Variants in ZNF705G observed in about 807,000 individuals in gnomAD.
ZNF705G encodes the protein zinc finger protein 705G, also known as putative zinc finger protein 705G.
A neutral mutation model predicts 19.6 loss-of-function variants in ZNF705G; 23 were observed. The observed-to-expected ratio is 1.17, with a 90% confidence interval of 0.84 to 1.66. The LOEUF is 1.66. Ranked by LOEUF, ZNF705G falls within the 40% of genes most tolerant of loss-of-function variation. ZNF705G has a pLI of 0.00. For missense variants in ZNF705G, 457 were observed against 354.4 expected, an observed-to-expected ratio of 1.29 and a Z score of -2.32; for synonymous variants, 146 against 117.7, an observed-to-expected ratio of 1.24 and a Z score of -1.56.
At chr8:7,369,967 T>C (rs148918596) in intron 2 of ZNF705G, among the ~76,000 whole-genome samples, 3,914 of 148,848 alleles carry the variant, frequency 0.026, 446 homozygotes, top group African/African-American at 0.087. Context: ...ACAAGATCAT[T>C]CATACTCCTC....
Position 7,381,920 on chromosome 8 carries a change from G to A in ZNF705G, c.-221-319C>T, listed in dbSNP as rs148477640. Among the ~76,000 whole-genome samples the A allele has an allele frequency of 1.0e-3, 159 of 152,060 alleles. No homozygotes were observed. In the East Asian group the frequency reaches 0.026, roughly 25 times the overall value. ...AATTTTAAAAAAATGAACATACATAGAGTAAATGGATCTTTTTTGAAATAA... is the reference window on the plus strand; with the variant it reads ...AATTTTAAAAAAATGAACATACATAAAGTAAATGGATCTTTTTTGAAATAA... On this transcript the variant is annotated intron_variant, in intron 1 of 6. Coordinates refer to ENST00000400156, the MANE Select transcript of ZNF705G (RefSeq NM_001164457.3).
Position 7,381,191 on chromosome 8 carries a change from A to G in ZNF705G, c.-72+261T>C, listed in dbSNP as rs9644812. On this transcript the variant is annotated intron_variant, in intron 2 of 6. Coordinates refer to ENST00000400156, the MANE Select transcript of ZNF705G (RefSeq NM_001164457.3). ...AGCTGTGATGCCTACTATTAATGTT[A>G]TCTATCACAATTGTTAGTTATGTCT... 1.4e-3 allele frequency among the ~76,000 whole-genome samples: 138 copies of G among 97,260 alleles called. 3 individuals are homozygous for G. In the East Asian group the frequency reaches 0.032, roughly 22 times the overall value. The allele number at this position is 97,260 out of a possible 152,430, so 63.8% of individuals were successfully genotyped here. A position where few individuals can be genotyped will look rare whatever the true frequency, so the allele number is the denominator to read the frequency against.
At chr8:7,381,003 T>A (rs1585430581) in intron 2 of ZNF705G, among the ~76,000 whole-genome samples, 2 of 61,782 alleles carry the variant, frequency 3.2e-5, no homozygotes, top group Non-Finnish European at 4.8e-5. Context: ...CCTACAGAGC[T>A]AGACTCTGTC....
rs2128833100 is a variant in ZNF705G, at chr8:7,356,494, A to G, written c.*1482T>C. 1.3e-5 allele frequency: 2 copies of G among 150,002 alleles called. No individual in the cohort carries two copies. Among genetic ancestry groups the G allele is most frequent in the East Asian group, 3.9e-4 (2 of 5,180 alleles). 9.3% of individuals were successfully genotyped at this position (150,002 alleles called of 1,614,324 possible). ...AAGGGCTGCGGACACCCAAATGCAT[A>G]TACAAGGTGTCTTTGATACAGCCTC... On this transcript the variant is annotated 3_prime_UTR_variant, in exon 7 of 7. Transcript: ENST00000400156.
chr8:7,371,377 G>A (rs1041317662), intron 2 of ZNF705G, among the ~76,000 whole-genome samples: 4 of 142,002 alleles, frequency 2.8e-5, no homozygotes, highest in Non-Finnish European at 6.1e-5. Flanking sequence ...AGTAAGTTCT[G>A]GAGGTCTCGT....
chr8:7,379,513 A>G (rs1195445644), intron 2 of ZNF705G, among the ~76,000 whole-genome samples: 1 of 147,328 alleles, frequency 6.8e-6, no homozygotes, highest in Non-Finnish European at 1.5e-5. Context: ...CAGCAAGTAG[A>G]TAATCATACC....
intron 2 of ZNF705G, among the ~76,000 whole-genome samples, chr8:7,379,214 A>G (rs1807377609): frequency 6.8e-6 from 1 of 147,840 alleles, no homozygotes; most frequent in Admixed American, 6.6e-5. Flanking sequence ...CGAAATCTCA[A>G]AAAGTTCAAA....
rs1436413857 is a variant in ZNF705G, at chr8:7,365,533, C to T, written c.-71-2516G>A. On this transcript the variant is annotated intron_variant, in intron 2 of 6. Coordinates refer to ENST00000400156, the MANE Select transcript of ZNF705G (RefSeq NM_001164457.3). The stretch of plus-strand genomic sequence containing the variant: ...AGCTGGGATGACAGGCTTGCGCCAT[C>T]GTGCTCGGCTAATTTTGTACTAGAC... Among the ~76,000 whole-genome samples the T allele has an allele frequency of 1.4e-4, 21 of 149,110 alleles. 2 individuals carry two copies. The highest frequency in any genetic ancestry group is 5.4e-4 in the African/African-American group (21 of 38,600).
intron 5 of ZNF705G, among the ~76,000 whole-genome samples, chr8:7,359,956 G>A (rs1260617448): frequency 6.7e-6 from 1 of 149,400 alleles, no homozygotes; most frequent in South Asian, 2.1e-4. Flanking sequence ...AGTCTTCACA[G>A]GGGTATCAGG....
At chr8:7,367,942 C>T (rs1305140161) in intron 2 of ZNF705G, among the ~76,000 whole-genome samples, 3 of 149,646 alleles carry the variant, frequency 2.0e-5, no homozygotes, top group Admixed American at 6.6e-5. Flanking sequence ...GGAGAACTCA[C>T]CAAAAATAAA....
Position 7,357,971 on chromosome 8 carries a change from T to G in ZNF705G, c.*5A>C, listed in dbSNP as rs753655499. On this transcript the variant is annotated 3_prime_UTR_variant, in exon 7 of 7. Transcript: ENST00000400156. Reference sequence around the variant, plus strand: ...TGGCTTTTCTCCAGTGCGTGTTCTCTCATGTCATCTAAGGTTGGAAGACAG... The same window carrying G: ...TGGCTTTTCTCCAGTGCGTGTTCTCGCATGTCATCTAAGGTTGGAAGACAG... The G allele has an allele frequency of 1.2e-6, 2 of 1,609,274 alleles. No individual in the cohort carries two copies. The highest frequency in any genetic ancestry group is 3.3e-5 in the Admixed American group (2 of 59,944).
chr8:7,370,370 C>T (rs1241614638), intron 2 of ZNF705G, among the ~76,000 whole-genome samples: 4 of 149,202 alleles, frequency 2.7e-5, no homozygotes, highest in Non-Finnish European at 4.4e-5. Flanking sequence ...CATCTCTAAT[C>T]ATCAGGGGGA....
rs1051896934 is a variant in ZNF705G, at chr8:7,385,207, G to A, written c.-222+291C>T. Among the ~76,000 whole-genome samples, 10 of 148,246 alleles carry A rather than the reference G, an allele frequency of 6.7e-5. 2 individuals carry two copies. The highest frequency in any genetic ancestry group is 2.4e-4 in the African/African-American group (9 of 37,746). On this transcript the variant is annotated intron_variant, in intron 1 of 6. Coordinates refer to ENST00000400156, the MANE Select transcript of ZNF705G (RefSeq NM_001164457.3). Reference sequence around the variant, plus strand: ...GGTCATGGTGGGCCAAGTGGGTAAAGGTCAGTGCTCCTTAATCACTTCCCA... The same window carrying A: ...GGTCATGGTGGGCCAAGTGGGTAAAAGTCAGTGCTCCTTAATCACTTCCCA...
At chr8:7,366,371 C>G (rs1806857953) in intron 2 of ZNF705G, among the ~76,000 whole-genome samples, 1 of 149,364 alleles carries the variant, frequency 6.7e-6, no homozygotes, top group Non-Finnish European at 1.5e-5. Flanking sequence ...TTTTAAAGTG[C>G]ATAATGAACA....
chr8:7,364,471 AC>A (rs1190378223), intron 2 of ZNF705G, among the ~76,000 whole-genome samples: 2 of 149,682 alleles, frequency 1.3e-5, no homozygotes, highest in East Asian at 1.9e-4. Context: ...CAGTTTATTT[AC>A]CAATTTAATA....
In ZNF705G at chr8:7,365,148, A is replaced by AC. The variant is rs199767298; in HGVS notation, c.-71-2132dup. ...GGACTCTTGTGTGGAATCTATAAAA[A>AC]CTATTTCAAGATGTAGAGATTAAAT... On this transcript the variant is annotated intron_variant, in intron 2 of 6. Coordinates refer to ENST00000400156, the MANE Select transcript of ZNF705G (RefSeq NM_001164457.3). 6.8e-4 allele frequency among the ~76,000 whole-genome samples: 102 copies of AC among 149,728 alleles called. 3 individuals are homozygous for AC. In the East Asian group the frequency reaches 0.013, roughly 19 times the overall value.
At chr8:7,361,271 A>G (rs1287202896) in intron 3 of ZNF705G, 35 bp from the exon 4 acceptor site, 1 of 1,592,496 alleles carries the variant, frequency 6.3e-7, no homozygotes, top group East Asian at 2.2e-5. Context: ...TTAGACAGAG[A>G]AATTCCTTTC....
intron 2 of ZNF705G, among the ~76,000 whole-genome samples, chr8:7,380,559 G>A (rs1354779011): frequency 4.1e-5 from 6 of 147,358 alleles, no homozygotes; most frequent in Non-Finnish European, 8.8e-5. Flanking sequence ...TGCACCAGGT[G>A]AAAGCCTGAG....
chr8:7,369,327 G>T (rs1194472517), intron 2 of ZNF705G, among the ~76,000 whole-genome samples: 3 of 149,544 alleles, frequency 2.0e-5, no homozygotes, highest in Non-Finnish European at 4.4e-5. Flanking sequence ...TGCTGGGGTG[G>T]AGACTTCATG....
Sources: gnomAD v4.1 joint callset for allele counts (sites outside exome capture counted in the v4.1 genomes callset) on GRCh38, gnomAD v4.1.1 for gene constraint, MANE v1.5 for transcripts, NCBI Gene and HGNC (gene_info 2026-07-23, HGNC 2026-07-21) for gene names.